Variants in NUDT21 observed in about 807,000 individuals in gnomAD.
NUDT21 encodes cleavage and polyadenylation specificity factor subunit 5.
Under a neutral mutation model 29.8 loss-of-function variants are expected in NUDT21, and 5 were observed. The observed-to-expected ratio is 0.17, with a 90% confidence interval of 0.09 to 0.35. NUDT21 has a LOEUF of 0.35. NUDT21 is among the 10% of genes least tolerant of loss of function. NUDT21 has a pLI of 1.00. For missense variants in NUDT21, 76 were observed against 276.0 expected (o/e 0.28, Z 5.13); for synonymous variants, 113 against 98.5 (o/e 1.15, Z -0.87).
intron 1 of NUDT21, among the ~76,000 whole-genome samples, chr16:56,450,622 C>T (rs568243814): frequency 6.6e-6 from 1 of 152,288 alleles, no homozygotes; most frequent in Admixed American, 6.5e-5. Flanking sequence ...GAAAACTAGA[C>T]CTAGGCATTA....
chr16:56,437,379 T>C (rs1260597667), intron 4 of NUDT21, among the ~76,000 whole-genome samples: 2 of 152,198 alleles, frequency 1.3e-5, no homozygotes, highest in Admixed American at 1.3e-4. Flanking sequence ...AGTAACATCA[T>C]CACTCATTAT....
chr16:56,439,851 GGAT>G, intron 3 of NUDT21, 105 bp from the exon 4 acceptor site: 2 of 837,684 alleles, frequency 2.4e-6, no homozygotes, highest in Non-Finnish European at 2.1e-6. Context: ...TGAAACATAG[GGAT>G]AATATGCCTT....
At chr16:56,438,927 TTTA>T (rs771106923) in intron 4 of NUDT21, among the ~76,000 whole-genome samples, 3 of 152,202 alleles carry the variant, frequency 2.0e-5, no homozygotes, top group Non-Finnish European at 4.4e-5. Flanking sequence ...TATGGAATTG[TTTA>T]TTTTTAGTAT....
chr16:56,448,086 A>G (rs187968543), intron 1 of NUDT21, 97 bp from the exon 2 acceptor site: 3 of 1,017,058 alleles, frequency 2.9e-6, no homozygotes, highest in Non-Finnish European at 4.4e-6. Context: ...AAAAAAGTGC[A>G]TATATTGTAC....
intron 3 of NUDT21, 84 bp from the exon 4 acceptor site, chr16:56,439,830 G>A: frequency 9.5e-7 from 1 of 1,053,356 alleles, no homozygotes; most frequent in Non-Finnish European, 1.5e-6. Flanking sequence ...ATTCTTAGCA[G>A]TGCTCCTAAT....
chr16:56,446,225 G>A (rs1962219670), intron 3 of NUDT21, among the ~76,000 whole-genome samples: 1 of 152,096 alleles, frequency 6.6e-6, no homozygotes, highest in Admixed American at 6.6e-5. Flanking sequence ...TTCTATAGAG[G>A]CCTACTCTTG....
rs1394125336 is a variant in NUDT21, at chr16:56,435,122, T to C, written c.472-293A>G. On this transcript the variant is annotated intron_variant, in intron 4 of 6. Transcript: ENST00000300291. ...ATTAGTATCTTTAATAAAAGCTTTT[T>C]TTTGTTTGTTTGTTTTTTAAGACAG... 501 of 200,568 alleles carry C rather than the reference T, an allele frequency of 2.5e-3. 4 individuals are homozygous for C. Among genetic ancestry groups the C allele is most frequent in the Admixed American group, 4.8e-3 (80 of 16,790 alleles). The allele number at this position is 200,568 out of a possible 1,614,324, so 12.4% of individuals were successfully genotyped here.
intron 6 of NUDT21, among the ~76,000 whole-genome samples, 189 bp downstream of exon 6, chr16:56,434,142 G>A (rs1437862871): frequency 6.6e-6 from 1 of 152,214 alleles, no homozygotes; most frequent in South Asian, 2.1e-4. Context: ...ATGTCATGCC[G>A]AAACTTAAGA....
intron 6 of NUDT21, among the ~76,000 whole-genome samples, chr16:56,433,263 T>G (rs964216363): frequency 2.6e-5 from 4 of 152,242 alleles, no homozygotes; most frequent in Non-Finnish European, 5.9e-5. Flanking sequence ...TGTACCAGAT[T>G]ACTGGCACTG....
rs1435212464 is a variant in NUDT21 at position 56,430,278 on chromosome 16, G to A, written c.*2434C>T. 2 of 152,254 alleles carry A rather than the reference G, an allele frequency of 1.3e-5. No individual in the cohort carries two copies. Among genetic ancestry groups the A allele is most frequent in the Admixed American group, 6.5e-5 (1 of 15,296 alleles). 9.4% of individuals were successfully genotyped at this position (152,254 alleles called of 1,614,324 possible). A position where few individuals can be genotyped will look rare whatever the true frequency, so the allele number is the denominator to read the frequency against. On this transcript the variant is annotated 3_prime_UTR_variant, in exon 7 of 7. Transcript: ENST00000300291. The stretch of plus-strand genomic sequence containing the variant: ...ACTTCACTCTTCTCCAAAGGGATAA[G>A]TCCATCCTAAATGTAACTACAAACA...
At chr16:56,438,636 G>C (rs1457433694) in intron 4 of NUDT21, among the ~76,000 whole-genome samples, 1 of 152,082 alleles carries the variant, frequency 6.6e-6, no homozygotes, top group Non-Finnish European at 1.5e-5. Flanking sequence ...GACAAGCCTT[G>C]TTACCCCTCC....
rs1352442491 is a variant in NUDT21 at position 56,430,493 on chromosome 16, T to C, written c.*2219A>G. 1 of 152,200 alleles carries C rather than the reference T, an allele frequency of 6.6e-6. No individual in the cohort carries two copies. The highest frequency in any genetic ancestry group is 2.4e-5 in the African/African-American group (1 of 41,448). The allele number at this position is 152,200 out of a possible 1,614,324, so 9.4% of individuals were successfully genotyped here. ...ACAACATAGAAGCCACTAAAAAATA[T>C]GGGTCTATTAATCAAGAGCCCATTT... On this transcript the variant is annotated 3_prime_UTR_variant, in exon 7 of 7. Coordinates refer to ENST00000300291, the MANE Select transcript of NUDT21 (RefSeq NM_007006.3).
At position 56,451,316 on chromosome 16, in the gene NUDT21, G is replaced by T; in HGVS notation, c.-114C>A. ...CAGCGGCTACTGCCCGCCATTAACA[G>T]GACAGCGCAAGAGGAGGCGTAGGCA... On this transcript the variant is annotated 5_prime_UTR_variant, in exon 1 of 7. In the 5' UTR this introduces an upstream ATG that the reference lacks. Coordinates refer to ENST00000300291, the MANE Select transcript of NUDT21 (RefSeq NM_007006.3). The T allele has an allele frequency of 1.1e-6, 1 of 870,620 alleles. No individual in the cohort carries two copies. The highest frequency in any genetic ancestry group is 1.8e-6 in the Non-Finnish European group (1 of 563,630). The allele number at this position is 870,620 out of a possible 1,614,324, so 53.9% of individuals were successfully genotyped here. A position where few individuals can be genotyped will look rare whatever the true frequency, so the allele number is the denominator to read the frequency against.
intron 3 of NUDT21, among the ~76,000 whole-genome samples, chr16:56,440,482 T>G (rs1008382235): frequency 6.6e-6 from 1 of 151,894 alleles, no homozygotes; most frequent in African/African-American, 2.4e-5. Context: ...TCTTCCGAGG[T>G]TCCTCTACAT....
intron 3 of NUDT21, among the ~76,000 whole-genome samples, chr16:56,444,452 T>C (rs567623519): frequency 7.2e-4 from 109 of 151,530 alleles, no homozygotes; most frequent in Non-Finnish European, 1.4e-3. Flanking sequence ...GGCATGGTAG[T>C]GGGCACCTGT....
intron 3 of NUDT21, among the ~76,000 whole-genome samples, chr16:56,440,738 C>CA (rs1165395927): frequency 1.3e-4 from 19 of 150,574 alleles, no homozygotes; most frequent in East Asian, 1.9e-4. Context: ...TCATATTTTT[C>CA]AAAAAAAAAA....
Position 56,431,256 on chromosome 16 carries a change from G to A in NUDT21, c.*1456C>T, listed in dbSNP as rs1962030296. 6.6e-6 allele frequency: 1 copy of A among 152,194 alleles called. No homozygotes were observed. The highest frequency in any genetic ancestry group is 2.1e-4 in the South Asian group (1 of 4,830). The allele number at this position is 152,194 out of a possible 1,614,324, so 9.4% of individuals were successfully genotyped here. A position where few individuals can be genotyped will look rare whatever the true frequency, so the allele number is the denominator to read the frequency against. On this transcript the variant is annotated 3_prime_UTR_variant, in exon 7 of 7. Transcript: ENST00000300291. ...AGGGGTAGGACTGTTAGGGGCAGGA[G>A]GGAAAAGGACAATTCACAGAACTAG...
chr16:56,435,743 T>TTTTATATATATA lies in NUDT21; in HGVS notation c.472-915_472-914insTATATATATAAA, dbSNP rs1555514701. On this transcript the variant is annotated intron_variant, in intron 4 of 6. Transcript: ENST00000300291. Reference sequence around the variant, plus strand: ...TCTGTCTCCCAAAAAAAAAAAAAAATTATATATATATATATATATATATAT... The same window carrying TTTTATATATATA: ...TCTGTCTCCCAAAAAAAAAAAAAAATTTTATATATATATATATATATATATATATATATATAT... Among the ~76,000 whole-genome samples, 19 of 27,058 alleles carry TTTTATATATATA rather than the reference T, an allele frequency of 7.0e-4. 1 individual carries two copies. Among genetic ancestry groups the TTTTATATATATA allele is most frequent in the African/African-American group, 2.1e-3 (15 of 7,100 alleles). 17.8% of individuals were successfully genotyped at this position (27,058 alleles called of 152,430 possible).
At chr16:56,445,868 A>C (rs1962212499) in intron 3 of NUDT21, among the ~76,000 whole-genome samples, 1 of 152,216 alleles carries the variant, frequency 6.6e-6, no homozygotes, top group South Asian at 2.1e-4. Flanking sequence ...AATGTTTAAG[A>C]GTTATAATAC....
Sources: gnomAD v4.1 joint callset for allele counts (sites outside exome capture counted in the v4.1 genomes callset) on GRCh38, gnomAD v4.1.1 for gene constraint, MANE v1.5 for transcripts, NCBI Gene and HGNC (gene_info 2026-07-23, HGNC 2026-07-21) for gene names.